Variants in PM20D2 observed in about 807,000 individuals in gnomAD.
PM20D2 encodes the protein peptidase M20 domain containing 2.
A neutral mutation model predicts 42.9 loss-of-function variants in PM20D2; 33 were observed. That is an observed-to-expected ratio of 0.77 (90% CI 0.58 to 1.03). PM20D2 has a LOEUF of 1.03. PM20D2 is among the 50% of genes least tolerant of loss of function. PM20D2 has a pLI of 0.00. For synonymous variants in PM20D2, 250 were observed against 228.2 expected (o/e 1.10, Z -0.86); for missense variants, 548 against 557.0 (o/e 0.98, Z 0.16).
chr6:89,105,141 T>G, the PM20D2 span: 1 of 1,612,624 alleles, frequency 6.2e-7, no homozygotes, highest in Non-Finnish European at 8.5e-7. Context: ...TCTGACCGCC[T>G]CCTATTTCTT....
chr6:89,152,996 T>G, intron 2 of PM20D2, 47 bp from the exon 3 acceptor site: 2 of 1,482,270 alleles, frequency 1.3e-6, no homozygotes, highest in Non-Finnish European at 1.8e-6. Flanking sequence ...TTTTCTTACT[T>G]TAGCAATAAT....
chr6:89,138,288 T>A, the PM20D2 span, among the ~76,000 whole-genome samples: 1 of 152,168 alleles, frequency 6.6e-6, no homozygotes, highest in African/African-American at 2.4e-5. Context: ...GACCTCTGCA[T>A]GGTCAAGTGT....
chr6:89,106,208 G>A, the PM20D2 span, among the ~76,000 whole-genome samples: 1 of 152,044 alleles, frequency 6.6e-6, no homozygotes, highest in East Asian at 1.9e-4. Context: ...GTAAGCCCAG[G>A]TTCAAGAGAT....
chr6:89,121,102 CATGT>C, the PM20D2 span, among the ~76,000 whole-genome samples: 3 of 151,886 alleles, frequency 2.0e-5, no homozygotes, highest in Non-Finnish European at 4.4e-5. Flanking sequence ...ACTTAGCATG[CATGT>C]ATGGATAGGG....
chr6:89,100,136 T>C, the PM20D2 span, among the ~76,000 whole-genome samples: 1 of 152,220 alleles, frequency 6.6e-6, no homozygotes, highest in Non-Finnish European at 1.5e-5. Context: ...CTACAAATTA[T>C]CCTTAAATCA....
chr6:89,121,056 A>G, the PM20D2 span, among the ~76,000 whole-genome samples: 1 of 152,062 alleles, frequency 6.6e-6, no homozygotes, highest in African/African-American at 2.4e-5. Flanking sequence ...AGCTCTTTAC[A>G]GTTTGAAAAA....
rs111919653 is a variant in PM20D2 at position 89,149,828 on chromosome 6, A to G, written c.614+415A>G. ...TTTACTTTAATTTGAGTTCTTTGCA[A>G]AGAGGATAAATTATGTCCTGAGAGA... On this transcript the variant is annotated intron_variant, in intron 2 of 6. Transcript: ENST00000275072. 1.7e-3 allele frequency among the ~76,000 whole-genome samples: 266 copies of G among 152,338 alleles called. 1 individual carries two copies. The highest frequency in any genetic ancestry group is 6.2e-3 in the African/African-American group (256 of 41,570).
rs1274898174 is a variant in PM20D2 at position 89,165,391 on chromosome 6, A to G, written c.*3128A>G. On this transcript the variant is annotated 3_prime_UTR_variant, in exon 7 of 7. Coordinates refer to ENST00000275072, the MANE Select transcript of PM20D2 (RefSeq NM_001010853.3). ...AACTGCTTATTTTTTTACATACTTC[A>G]TATCAAGCATTTTGCAGTCCAATTA... 6.6e-6 allele frequency: 1 copy of G among 152,208 alleles called. No homozygotes were observed. The highest frequency in any genetic ancestry group is 2.4e-5 in the African/African-American group (1 of 41,470). The allele number at this position is 152,208 out of a possible 1,614,324, so 9.4% of individuals were successfully genotyped here.
the PM20D2 span, among the ~76,000 whole-genome samples, chr6:89,128,925 C>G: frequency 6.6e-6 from 1 of 152,088 alleles, no homozygotes; most frequent in Non-Finnish European, 1.5e-5. Flanking sequence ...TATCAGTTTT[C>G]AGGAAATACA....
chr6:89,128,678 TTGC>T, the PM20D2 span, among the ~76,000 whole-genome samples: 4 of 152,202 alleles, frequency 2.6e-5, no homozygotes, highest in Non-Finnish European at 5.9e-5. Context: ...ATTAAAAAAC[TTGC>T]TGGTTTGAGG....
At chr6:89,108,636 G>C in the PM20D2 span, among the ~76,000 whole-genome samples, 35 of 152,306 alleles carry the variant, frequency 2.3e-4, 1 homozygote, top group South Asian at 6.8e-3. Flanking sequence ...ATGGAAAAAA[G>C]ATGGTGTCAG....
rs138887691 is a variant in PM20D2 at position 89,147,616 on chromosome 6, G to A, written c.465+1007G>A. Among the ~76,000 whole-genome samples the A allele has an allele frequency of 8.6e-5, 13 of 151,940 alleles. 1 individual carries two copies. Among genetic ancestry groups the A allele is most frequent in the African/African-American group, 3.1e-4 (13 of 41,446 alleles). ...CTGAGTAGTCAGCGAGAGACATATCGTATTTAATGAGTTAAGGGTCAAGAA... is the reference window on the plus strand; with the variant it reads ...CTGAGTAGTCAGCGAGAGACATATCATATTTAATGAGTTAAGGGTCAAGAA... On this transcript the variant is annotated intron_variant, in intron 1 of 6. Transcript: ENST00000275072.
chr6:89,125,313 T>C, the PM20D2 span, among the ~76,000 whole-genome samples: 1 of 152,092 alleles, frequency 6.6e-6, no homozygotes, highest in Non-Finnish European at 1.5e-5. Flanking sequence ...ACTCCGTCTC[T>C]ACTAAAAATA....
At chr6:89,145,925 C>T, upstream of PM20D2, 1 of 400,962 alleles carries the variant, frequency 2.5e-6, no homozygotes, top group Non-Finnish European at 4.3e-6. Context: ...CCCAAAACCC[C>T]ACGGCGGGGC....
chr6:89,148,083 C>T (rs1426497845), intron 1 of PM20D2, among the ~76,000 whole-genome samples: 1 of 148,420 alleles, frequency 6.7e-6, no homozygotes, highest in Non-Finnish European at 1.5e-5. Flanking sequence ...CGGGTTCAGG[C>T]GATCCTCGTG....
chr6:89,109,314 G>C, the PM20D2 span, among the ~76,000 whole-genome samples: 2 of 152,212 alleles, frequency 1.3e-5, no homozygotes, highest in Non-Finnish European at 1.5e-5. Flanking sequence ...GCTAAAGCAG[G>C]TGTCTTCACC....
intron 1 of PM20D2, among the ~76,000 whole-genome samples, chr6:89,147,979 CTTTTTTTTT>C (rs397888770): frequency 1.1e-5 from 1 of 95,178 alleles, no homozygotes; most frequent in Non-Finnish European, 2.0e-5. Context: ...AATGTACACT[CTTTTTTTTT>C]TTTTTTTTTT....
chr6:89,099,456 G>GTGTATA, the PM20D2 span, among the ~76,000 whole-genome samples: 1 of 141,316 alleles, frequency 7.1e-6, no homozygotes, highest in Non-Finnish European at 1.5e-5. Context: ...ATATATGTGT[G>GTGTATA]TATATATGTG....
intron 2 of PM20D2, 24 bp downstream of exon 2, chr6:89,149,437 ACTT>A: frequency 6.2e-7 from 1 of 1,610,948 alleles, no homozygotes; most frequent in East Asian, 2.2e-5. Context: ...TTGAAGATAA[ACTT>A]CTTAGGGGAA....
Sources: gnomAD v4.1 joint callset for allele counts (sites outside exome capture counted in the v4.1 genomes callset) on GRCh38, gnomAD v4.1.1 for gene constraint, MANE v1.5 for transcripts, NCBI Gene and HGNC (gene_info 2026-07-23, HGNC 2026-07-21) for gene names.